Variants in CHRM5 observed in about 807,000 individuals in gnomAD.
CHRM5 encodes the protein cholinergic receptor muscarinic 5, also known as muscarinic acetylcholine receptor M5.
Under a neutral mutation model 39.0 loss-of-function variants are expected in CHRM5, and 18 were observed. The ratio of observed to expected loss-of-function variants is 0.46; its 90% CI spans 0.32 to 0.68. The LOEUF is 0.68. CHRM5 is among the 30% of genes least tolerant of loss of function. CHRM5 has a pLI of 0.04. For missense variants in CHRM5, 515 were observed against 651.1 expected (o/e 0.79, Z 2.28); for synonymous variants, 241 against 246.3 (o/e 0.98, Z 0.20).
At position 34,063,824 on chromosome 15, in the gene CHRM5, T is replaced by A. The variant is rs1900434067; in HGVS notation, c.1107T>A (p.His369Gln). The A allele has an allele frequency of 6.2e-7, 1 of 1,614,190 alleles. No individual in the cohort carries two copies. Among genetic ancestry groups the A allele is most frequent in the Non-Finnish European group, 8.5e-7 (1 of 1,180,026 alleles). ...PNYLLSPAAA[H>Q]RPKSQKCVAY... ...ACCTTCTGTCTCCAGCAGCTGCTCA[T>A]AGACCCAAGAGTCAGAAATGTGTGG... The change falls in exon 3 of 3, where the codon CAT becomes CAA. Residue 369 changes from histidine (H) to glutamine (Q), a missense_variant. Transcript: ENST00000383263. The surrounding 1 kb of genome is among the most constrained non-coding windows in gnomAD (Gnocchi z 4.1).
chr15:34,035,643 ACT>A (rs1314462511), intron 1 of CHRM5, among the ~76,000 whole-genome samples: 1 of 152,200 alleles, frequency 6.6e-6, no homozygotes, highest in Non-Finnish European at 1.5e-5. Flanking sequence ...AATGTGAATT[ACT>A]GTTATTACTA....
intron 1 of CHRM5, among the ~76,000 whole-genome samples, chr15:34,034,608 C>T (rs1368291994): frequency 6.6e-6 from 1 of 151,924 alleles, no homozygotes; most frequent in African/African-American, 2.4e-5. Context: ...TACATGGTTT[C>T]CCAAAATTTT....
At chr15:34,022,110 G>A (rs1286176379) in intron 1 of CHRM5, among the ~76,000 whole-genome samples, 2 of 152,230 alleles carry the variant, frequency 1.3e-5, no homozygotes, top group Non-Finnish European at 2.9e-5. Context: ...CACAATGCAT[G>A]ACATTTGAAA....
intron 1 of CHRM5, among the ~76,000 whole-genome samples, chr15:34,035,400 G>A (rs1311792331): frequency 6.6e-6 from 1 of 152,146 alleles, no homozygotes; most frequent in Non-Finnish European, 1.5e-5. Flanking sequence ...AATCAGGCAT[G>A]TGAAAGAATC....
At chr15:33,983,211 T>TAC (rs1555512813) in intron 1 of CHRM5, among the ~76,000 whole-genome samples, 220 of 14,508 alleles carry the variant, frequency 0.015, 1 homozygote, top group East Asian at 0.039. Context: ...TATATATATA[T>TAC]ATACATATAT....
At chr15:34,035,120 A>G (rs1333525194) in intron 1 of CHRM5, among the ~76,000 whole-genome samples, 1 of 152,224 alleles carries the variant, frequency 6.6e-6, no homozygotes, top group Non-Finnish European at 1.5e-5. Flanking sequence ...GAAAATGTCA[A>G]CGCCATCGGG....
chr15:33,995,444 T>G (rs1042727742), intron 1 of CHRM5, among the ~76,000 whole-genome samples: 1 of 152,218 alleles, frequency 6.6e-6, no homozygotes, highest in Non-Finnish European at 1.5e-5. Context: ...ATAGGTTATA[T>G]GCAAATATTT....
At chr15:33,983,771 G>A (rs1486123674) in intron 1 of CHRM5, among the ~76,000 whole-genome samples, 1 of 152,044 alleles carries the variant, frequency 6.6e-6, no homozygotes, top group Non-Finnish European at 1.5e-5. Flanking sequence ...AAACCTGACG[G>A]AGGTTTCTAA....
chr15:34,019,372 C>G (rs547268958), intron 1 of CHRM5, among the ~76,000 whole-genome samples: 1 of 152,102 alleles, frequency 6.6e-6, no homozygotes, highest in Non-Finnish European at 1.5e-5. Context: ...TTACAAGAGT[C>G]AAAAAGGTAA....
intron 2 of CHRM5, among the ~76,000 whole-genome samples, chr15:34,053,299 CAAAAA>C (rs71454513): frequency 5.8e-5 from 3 of 51,544 alleles, no homozygotes; most frequent in East Asian, 6.2e-4. Flanking sequence ...GACTCCATCT[CAAAAA>C]AAAAAAAAAA....
At position 34,065,517 on chromosome 15, in the gene CHRM5, C is replaced by G. The variant is rs1212704981; in HGVS notation, c.*1201C>G. The G allele has an allele frequency of 6.6e-6, 1 of 152,124 alleles. No individual in the cohort carries two copies. Among genetic ancestry groups the G allele is most frequent in the African/African-American group, 2.4e-5 (1 of 41,422 alleles). The allele number at this position is 152,124 out of a possible 1,614,324, so 9.4% of individuals were successfully genotyped here. A position where few individuals can be genotyped will look rare whatever the true frequency, so the allele number is the denominator to read the frequency against. ...CCTTCAAATCAGGGCCTAAAAATGA[C>G]TTCTTTATTCCTCTCCAAATTCGGT... is the stretch of plus-strand genomic sequence containing the variant. On this transcript the variant is annotated 3_prime_UTR_variant, in exon 3 of 3. Coordinates refer to ENST00000383263, the MANE Select transcript of CHRM5 (RefSeq NM_012125.4).
rs967482777 is a variant in CHRM5 at position 33,993,980 on chromosome 15, G to A, written c.-408+24830G>A. Reference sequence around the variant, plus strand: ...CATTCCACTATTAATGAATATTTGCGTTGCTTCCATCTGAGGCTCTTCTGA... The same window carrying A: ...CATTCCACTATTAATGAATATTTGCATTGCTTCCATCTGAGGCTCTTCTGA... On this transcript the variant is annotated intron_variant, in intron 1 of 2. Coordinates refer to ENST00000383263, the MANE Select transcript of CHRM5 (RefSeq NM_012125.4). Among the ~76,000 whole-genome samples, 7 of 152,210 alleles carry A rather than the reference G, an allele frequency of 4.6e-5. No homozygotes were observed. In the East Asian group the frequency reaches 9.7e-4, roughly 21 times the overall value.
chr15:34,011,959 G>A (rs1897656210), intron 1 of CHRM5, among the ~76,000 whole-genome samples: 1 of 152,194 alleles, frequency 6.6e-6, no homozygotes, highest in Admixed American at 6.5e-5. Context: ...TACAGTTTGT[G>A]GAGGTCCTTT....
chr15:34,008,952 G>GCA (rs142138959), intron 1 of CHRM5, among the ~76,000 whole-genome samples: 20,872 of 95,368 alleles, frequency 0.22, 1,836 homozygotes, highest in African/African-American at 0.29. Flanking sequence ...ACGTGCGCGC[G>GCA]CGCACACACA....
intron 2 of CHRM5, among the ~76,000 whole-genome samples, chr15:34,048,464 G>C (rs895390373): frequency 6.6e-6 from 1 of 151,018 alleles, no homozygotes; most frequent in East Asian, 2.0e-4. Context: ...AGTGGGACCT[G>C]GATCCATTCC....
In CHRM5 at chr15:34,062,972, C is replaced by T. The variant is rs1413116707; in HGVS notation, c.255C>T (p.Asn85=). The part of the protein sequence containing the change: ...ADLIIGIFSM[N]LYTTYILMGR... ...TCATCATTGGAATCTTCTCCATGAA[C>T]CTCTACACCACCTACATCCTCATGG... Residue 85 remains asparagine (N), a synonymous_variant, in exon 3 of 3, where the codon AAC becomes AAT. Coordinates refer to ENST00000383263, the MANE Select transcript of CHRM5 (RefSeq NM_012125.4). 1 of 1,613,884 alleles carries T rather than the reference C, an allele frequency of 6.2e-7. No individual in the cohort carries two copies. The highest frequency in any genetic ancestry group is 8.5e-7 in the Non-Finnish European group (1 of 1,179,990).
At chr15:33,976,354 T>C (rs1225582627) in intron 1 of CHRM5, among the ~76,000 whole-genome samples, 2 of 152,234 alleles carry the variant, frequency 1.3e-5, no homozygotes, top group African/African-American at 2.4e-5. Flanking sequence ...AAGTGAGTAA[T>C]GTCGCTTTTT....
At chr15:34,005,850 C>T (rs1567462050) in intron 1 of CHRM5, among the ~76,000 whole-genome samples, 2 of 152,168 alleles carry the variant, frequency 1.3e-5, no homozygotes. Context: ...TCATAAGCCT[C>T]CCTGTCAAAA....
chr15:34,000,659 T>A (rs528040609), intron 1 of CHRM5, among the ~76,000 whole-genome samples: 2 of 152,284 alleles, frequency 1.3e-5, no homozygotes, highest in Non-Finnish European at 2.9e-5. Context: ...GAATTTTTAT[T>A]ATCAGAGAAT....
Sources: gnomAD v4.1 joint callset for allele counts (sites outside exome capture counted in the v4.1 genomes callset) on GRCh38, gnomAD v4.1.1 for gene constraint, Gnocchi (gnomAD v3.1) non-coding constraint, MANE v1.5 for transcripts, NCBI Gene and HGNC (gene_info 2026-07-23, HGNC 2026-07-21) for gene names.